Variants in CHN1 observed in about 807,000 individuals in gnomAD.
CHN1 encodes chimerin 1, also known as N-chimaerin.
A neutral mutation model predicts 59.5 loss-of-function variants in CHN1; 37 were observed. The observed-to-expected ratio is 0.62, with a 90% CI of 0.48 to 0.82. CHN1 has a LOEUF of 0.82. Ranked by LOEUF, CHN1 falls within the 40% of genes least tolerant of loss-of-function variation. CHN1 has a pLI of 0.00. For synonymous variants in CHN1, 206 were observed against 200.4 expected (o/e 1.03, Z -0.24); for missense variants, 469 against 571.0 (o/e 0.82, Z 1.82).
intron 7 of CHN1, among the ~76,000 whole-genome samples, chr2:174,831,586 A>T (rs185599733): frequency 1.8e-4 from 27 of 152,314 alleles, no homozygotes; most frequent in African/African-American, 5.5e-4. Flanking sequence ...CAATAAATAT[A>T]ACCATTAATT....
intron 3 of CHN1, among the ~76,000 whole-genome samples, chr2:174,928,897 C>T (rs1689251824): frequency 6.6e-6 from 1 of 151,926 alleles, no homozygotes; most frequent in Non-Finnish European, 1.5e-5. Flanking sequence ...TTTAAACTTA[C>T]AAAATCTTCA....
intron 1 of CHN1, among the ~76,000 whole-genome samples, chr2:174,970,079 C>T (rs941566936): frequency 1.2e-4 from 18 of 152,112 alleles, no homozygotes; most frequent in Admixed American, 1.1e-3. Flanking sequence ...AAAGAAAAAT[C>T]GTTTAACCTA....
intron 7 of CHN1, chr2:174,837,424 A>T (rs143686265): frequency 6.6e-6 from 1 of 152,376 alleles, no homozygotes; most frequent in Non-Finnish European, 1.5e-5. Flanking sequence ...CCTCTAATAC[A>T]AAAGACTGGA....
At chr2:174,968,595 T>C (rs1285268204) in intron 1 of CHN1, among the ~76,000 whole-genome samples, 1 of 152,250 alleles carries the variant, frequency 6.6e-6, no homozygotes, top group South Asian at 2.1e-4. Flanking sequence ...GTGTTTCAAA[T>C]TGATAGGTAC....
At chr2:174,921,827 G>A (rs1175918939) in intron 3 of CHN1, among the ~76,000 whole-genome samples, 1 of 152,138 alleles carries the variant, frequency 6.6e-6, no homozygotes, top group Non-Finnish European at 1.5e-5. Context: ...GAAGGTAACT[G>A]CTCCCATGAT....
intron 7 of CHN1, among the ~76,000 whole-genome samples, chr2:174,839,884 A>G (rs1354387707): frequency 6.6e-6 from 1 of 152,148 alleles, no homozygotes; most frequent in African/African-American, 2.4e-5. Context: ...GATTATAGGC[A>G]TAAGCCACTG....
intron 8 of CHN1, among the ~76,000 whole-genome samples, chr2:174,821,510 G>C (rs1477309172): frequency 6.6e-6 from 1 of 152,234 alleles, no homozygotes; most frequent in Non-Finnish European, 1.5e-5. Flanking sequence ...TGTTGCTAAT[G>C]TGAGAGTATT....
intron 6 of CHN1, among the ~76,000 whole-genome samples, chr2:174,867,349 C>T (rs1442244273): frequency 6.6e-6 from 1 of 150,512 alleles, no homozygotes; most frequent in Non-Finnish European, 1.5e-5. Context: ...ACTGCACTCC[C>T]GCACAGGTGA....
intron 6 of CHN1, among the ~76,000 whole-genome samples, chr2:174,866,347 G>A (rs1687214425): frequency 6.6e-6 from 1 of 152,016 alleles, no homozygotes; most frequent in Admixed American, 6.5e-5. Context: ...AAAAATAAAT[G>A]AGCTTAAAAG....
At chr2:174,861,270 C>T (rs1687060519) in intron 6 of CHN1, among the ~76,000 whole-genome samples, 1 of 152,086 alleles carries the variant, frequency 6.6e-6, no homozygotes, top group Non-Finnish European at 1.5e-5. Context: ...ATACATAAGG[C>T]ATATATTTTT....
intron 1 of CHN1, among the ~76,000 whole-genome samples, chr2:174,964,737 G>C (rs988861423): frequency 6.6e-6 from 1 of 152,146 alleles, no homozygotes; most frequent in Non-Finnish European, 1.5e-5. Context: ...TATAGGAAAT[G>C]AAAAACAGTT....
intron 5 of CHN1, among the ~76,000 whole-genome samples, 197 bp from the exon 6 acceptor site, chr2:174,878,325 A>G (rs868214423): frequency 3.3e-5 from 5 of 152,320 alleles, no homozygotes; most frequent in Middle Eastern, 3.4e-3. Flanking sequence ...TGAGCTTGCA[A>G]TAATTAGGGA....
At chr2:174,988,356 CAA>C (rs368043665) in intron 1 of CHN1, among the ~76,000 whole-genome samples, 14 of 61,372 alleles carry the variant, frequency 2.3e-4, no homozygotes, top group Non-Finnish European at 2.1e-4. Context: ...AACTCCGTCT[CAA>C]AAAAAAAAAA....
chr2:174,876,266 G>A (rs1353753331), intron 6 of CHN1, among the ~76,000 whole-genome samples: 1 of 152,214 alleles, frequency 6.6e-6, no homozygotes, highest in Non-Finnish European at 1.5e-5. Flanking sequence ...GTGTTGGAAA[G>A]CACGTTCAGA....
chr2:174,852,801 G>A (rs952469030), intron 6 of CHN1, among the ~76,000 whole-genome samples: 1 of 152,074 alleles, frequency 6.6e-6, no homozygotes, highest in Non-Finnish European at 1.5e-5. Context: ...TCTGATCTTC[G>A]ACAAGGCTGA....
intron 5 of CHN1, among the ~76,000 whole-genome samples, chr2:174,891,684 CTCAA>C (rs543881486): frequency 4.0e-5 from 6 of 151,490 alleles, no homozygotes; most frequent in Non-Finnish European, 7.4e-5. Flanking sequence ...AAAGAAAGAT[CTCAA>C]TCAAATAATT....
At chr2:174,856,282 A>AT (rs1476865923) in intron 6 of CHN1, among the ~76,000 whole-genome samples, 1 of 152,296 alleles carries the variant, frequency 6.6e-6, no homozygotes, top group East Asian at 1.9e-4. Flanking sequence ...CAGCAATCAC[A>AT]TCATAATTCC....
rs903864871 is a variant in CHN1 at position 174,840,518 on chromosome 2, T to C, written c.627+6362A>G. Among the ~76,000 whole-genome samples, 3 of 152,236 alleles carry C rather than the reference T, an allele frequency of 2.0e-5. No homozygotes were observed. The South Asian group carries it at 6.2e-4, about 32-fold the overall frequency. On this transcript the variant is annotated intron_variant, in intron 7 of 12. Coordinates refer to ENST00000409900, the MANE Select transcript of CHN1 (RefSeq NM_001822.7). ...ATTCTCATTATATTGACATTTGCTT[T>C]CTTTTCAGTCAGTTTGCATATATCC... is the stretch of plus-strand genomic sequence containing the variant.
At chr2:174,934,174 T>C (rs966196372) in intron 3 of CHN1, among the ~76,000 whole-genome samples, 7 of 152,202 alleles carry the variant, frequency 4.6e-5, no homozygotes, top group African/African-American at 1.7e-4. Context: ...TAATATATAA[T>C]GAAATAATTA....
Sources: gnomAD v4.1 joint callset for allele counts (sites outside exome capture counted in the v4.1 genomes callset) on GRCh38, gnomAD v4.1.1 for gene constraint, MANE v1.5 for transcripts, NCBI Gene and HGNC (gene_info 2026-07-23, HGNC 2026-07-21) for gene names.